Variants in KHDRBS2 observed in about 807,000 individuals in gnomAD.
The protein encoded by KHDRBS2 is KH RNA binding domain containing, signal transduction associated 2.
A neutral mutation model predicts 44.3 loss-of-function variants in KHDRBS2; 26 were observed. The observed-to-expected ratio is 0.59, with a 90% CI of 0.43 to 0.81. KHDRBS2 has a LOEUF of 0.81. Ranked by LOEUF, KHDRBS2 falls within the 40% of genes least tolerant of loss-of-function variation. The pLI, the probability that KHDRBS2 is intolerant of heterozygous loss-of-function variation, is 0.00. For synonymous variants in KHDRBS2, 194 were observed against 151.1 expected (o/e 1.28, Z -2.08); for missense variants, 476 against 433.1 (o/e 1.10, Z -0.88).
At chr6:61,665,415 G>A in the KHDRBS2 span, among the ~76,000 whole-genome samples, 10 of 151,302 alleles carry the variant, frequency 6.6e-5, no homozygotes, top group Admixed American at 6.6e-4. Flanking sequence ...GAAAAACCAG[G>A]GAGAAGAAAG....
At chr6:61,794,208 T>C (rs1416790104) in intron 6 of KHDRBS2, among the ~76,000 whole-genome samples, 1 of 152,160 alleles carries the variant, frequency 6.6e-6, no homozygotes, top group East Asian at 1.9e-4. Flanking sequence ...TCAAGAATTC[T>C]ACATACATGA....
chr6:61,956,281 T>G (rs1339526175), intron 4 of KHDRBS2, among the ~76,000 whole-genome samples: 3 of 152,210 alleles, frequency 2.0e-5, no homozygotes, highest in African/African-American at 7.2e-5. Flanking sequence ...CATATGTAAT[T>G]CTGATTCTTG....
At chr6:61,566,870 A>G in the KHDRBS2 span, among the ~76,000 whole-genome samples, 2 of 152,190 alleles carry the variant, frequency 1.3e-5, no homozygotes, top group African/African-American at 4.8e-5. Context: ...AATGTAAAAG[A>G]AAAATTACAT....
intron 6 of KHDRBS2, among the ~76,000 whole-genome samples, chr6:61,817,221 T>C (rs969176363): frequency 1.3e-5 from 2 of 152,044 alleles, no homozygotes; most frequent in Non-Finnish European, 2.9e-5. Flanking sequence ...GGTGTTCAAG[T>C]TTTTTAAAAA....
chr6:61,778,136 A>G (rs1300891914), intron 6 of KHDRBS2, among the ~76,000 whole-genome samples: 1 of 152,164 alleles, frequency 6.6e-6, no homozygotes, highest in Non-Finnish European at 1.5e-5. Flanking sequence ...CAGCCTTTGT[A>G]CCATGTAATA....
At chr6:61,982,075 T>C (rs989622252) in intron 3 of KHDRBS2, among the ~76,000 whole-genome samples, 12 of 152,212 alleles carry the variant, frequency 7.9e-5, no homozygotes, top group Non-Finnish European at 1.6e-4. Flanking sequence ...AAGCTTTTTG[T>C]CATTCATAGG....
intron 2 of KHDRBS2, among the ~76,000 whole-genome samples, chr6:62,059,140 T>C (rs1210696213): frequency 1.4e-5 from 2 of 144,824 alleles, no homozygotes; most frequent in Non-Finnish European, 3.0e-5. Context: ...GCAGTACAGA[T>C]TAAGTGCTAT....
the KHDRBS2 span, among the ~76,000 whole-genome samples, chr6:61,633,374 C>A: frequency 1.3e-5 from 2 of 151,838 alleles, no homozygotes; most frequent in South Asian, 2.1e-4. Context: ...CCCTACAGAC[C>A]CTTTACACAC....
At chr6:61,954,841 T>TATATGTACAC (rs1402714975) in intron 4 of KHDRBS2, among the ~76,000 whole-genome samples, 2 of 78,762 alleles carry the variant, frequency 2.5e-5, no homozygotes, top group Admixed American at 1.3e-4. Context: ...CATATGTATG[T>TATATGTACAC]ATACATATGC....
chr6:61,543,847 G>A, the KHDRBS2 span, among the ~76,000 whole-genome samples: 1 of 152,008 alleles, frequency 6.6e-6, no homozygotes, highest in African/African-American at 2.4e-5. Context: ...GATATGCCAG[G>A]CACAGAAACA....
intron 5 of KHDRBS2, among the ~76,000 whole-genome samples, chr6:61,896,919 T>G (rs775030508): frequency 5.9e-5 from 9 of 152,300 alleles, no homozygotes; most frequent in Middle Eastern, 3.4e-3. Context: ...TCTTTGGACT[T>G]TTATGACTCT....
the KHDRBS2 span, among the ~76,000 whole-genome samples, chr6:61,653,076 G>C: frequency 2.0e-5 from 3 of 152,080 alleles, no homozygotes; most frequent in Admixed American, 1.3e-4. Flanking sequence ...AAATGAGTTA[G>C]AGACATGGCA....
intron 2 of KHDRBS2, among the ~76,000 whole-genome samples, chr6:62,138,524 C>T (rs1393718355): frequency 6.6e-6 from 1 of 152,194 alleles, no homozygotes; most frequent in Non-Finnish European, 1.5e-5. Context: ...CTGTGACCAA[C>T]TCAAAGTCTG....
At chr6:61,830,560 A>G (rs1412872312) in intron 6 of KHDRBS2, among the ~76,000 whole-genome samples, 1 of 152,154 alleles carries the variant, frequency 6.6e-6, no homozygotes, top group East Asian at 1.9e-4. Flanking sequence ...CATCATACAG[A>G]ATTTAGTTTT....
intron 3 of KHDRBS2, among the ~76,000 whole-genome samples, chr6:61,984,475 C>T (rs1325983509): frequency 2.0e-5 from 3 of 152,048 alleles, no homozygotes; most frequent in Middle Eastern, 6.8e-3. Context: ...AAAAAAAATA[C>T]GTTCTGAACA....
At chr6:61,806,058 T>C (rs994995801) in intron 6 of KHDRBS2, among the ~76,000 whole-genome samples, 3 of 152,212 alleles carry the variant, frequency 2.0e-5, no homozygotes, top group African/African-American at 7.2e-5. Flanking sequence ...GCAAATTTTA[T>C]TTTCCAAAGA....
At chr6:61,582,422 A>T in the KHDRBS2 span, among the ~76,000 whole-genome samples, 1 of 151,788 alleles carries the variant, frequency 6.6e-6, no homozygotes, top group African/African-American at 2.4e-5. Flanking sequence ...CCTAAATTTA[A>T]TCAGAATAAA....
chr6:62,209,209 T>C (rs547874144), intron 1 of KHDRBS2, among the ~76,000 whole-genome samples: 1 of 152,220 alleles, frequency 6.6e-6, no homozygotes, highest in South Asian at 2.1e-4. Flanking sequence ...CATAAAGCAG[T>C]AAATAATTCC....
chr6:61,556,255 A>G, the KHDRBS2 span, among the ~76,000 whole-genome samples: 1 of 152,178 alleles, frequency 6.6e-6, no homozygotes, highest in African/African-American at 2.4e-5. Flanking sequence ...GGGCAGAGCT[A>G]CTGGTGGCCA....
Sources: gnomAD v4.1 joint callset for allele counts (sites outside exome capture counted in the v4.1 genomes callset) on GRCh38, gnomAD v4.1.1 for gene constraint, MANE v1.5 for transcripts, NCBI Gene and HGNC (gene_info 2026-07-23, HGNC 2026-07-21) for gene names.